The following ACSM3 variants were observed in gnomAD, a reference collection of about 807,000 sequenced individuals.
The protein encoded by ACSM3 is acyl-coenzyme A synthetase ACSM3, mitochondrial.
In ACSM3, 61 loss-of-function variants were observed where a neutral mutation model predicts 74.1. The observed-to-expected ratio is 0.82, with a 90% CI of 0.67 to 1.02. The LOEUF is 1.02. Ranked by LOEUF, ACSM3 falls within the 50% of genes least tolerant of loss-of-function variation. ACSM3 has a pLI of 0.00. For missense variants in ACSM3, 660 were observed against 697.0 expected (o/e 0.95, Z 0.60); for synonymous variants, 213 against 241.5 (o/e 0.88, Z 1.09).
chr16:20,720,021 A>C (rs1194682052), intron 1 of ACSM3, among the ~76,000 whole-genome samples: 1 of 152,164 alleles, frequency 6.6e-6, no homozygotes, highest in Non-Finnish European at 1.5e-5. Context: ...TTACATACAA[A>C]CTACACCTAT....
intron 1 of ACSM3, among the ~76,000 whole-genome samples, chr16:20,729,959 C>T (rs946846526): frequency 6.6e-6 from 1 of 152,186 alleles, no homozygotes; most frequent in Admixed American, 6.5e-5. Flanking sequence ...CAACTCCAGA[C>T]TTACACAGGT....
rs779381049 is a variant in ACSM3, at chr16:20,770,011, G to A, written c.-24G>A. On this transcript the variant is annotated 5_prime_UTR_variant, in exon 2 of 14. It adds an upstream start codon to the 5' untranslated region. Coordinates refer to ENST00000289416, the MANE Select transcript of ACSM3 (RefSeq NM_005622.4). ...GAACTGGTCTCTGTGCAAATCCTGA[G>A]TGCTAAAGCTTCCAACAAGACTGAT... 1 of 1,612,002 alleles carries A rather than the reference G, an allele frequency of 6.2e-7. No individual in the cohort carries two copies. Among genetic ancestry groups the A allele is most frequent in the East Asian group, 2.2e-5 (1 of 44,868 alleles).
At chr16:20,774,706 C>G (rs1241760604) in intron 2 of ACSM3, among the ~76,000 whole-genome samples, 1 of 152,202 alleles carries the variant, frequency 6.6e-6, no homozygotes, top group Non-Finnish European at 1.5e-5. Flanking sequence ...TTTTGTTCAT[C>G]ATAAGGGTGC....
intron 10 of ACSM3, among the ~76,000 whole-genome samples, chr16:20,791,349 CTT>C (rs931913344): frequency 1.3e-5 from 2 of 152,182 alleles, no homozygotes; most frequent in Admixed American, 6.5e-5. Flanking sequence ...TCTTTTGACT[CTT>C]GAGTATTTAC....
chr16:20,706,380 C>T (rs1431318396), intron 1 of ACSM3, among the ~76,000 whole-genome samples: 2 of 152,168 alleles, frequency 1.3e-5, no homozygotes, highest in African/African-American at 4.8e-5. Flanking sequence ...GACTTCTCTA[C>T]AGAAACAAAG....
intron 1 of ACSM3, among the ~76,000 whole-genome samples, chr16:20,685,819 C>CAAAAAAAAAAACAA (rs2079538979): frequency 2.0e-5 from 1 of 50,190 alleles, no homozygotes. Context: ...GACTCCGTCT[C>CAAAAAAAAAAACAA]AAAAAAAAAA....
Position 20,728,642 on chromosome 16 carries a change from T to C in ACSM3, c.-189-21268T>C, listed in dbSNP as rs144523698. Among the ~76,000 whole-genome samples, 3 of 151,756 alleles carry C rather than the reference T, an allele frequency of 2.0e-5. No homozygotes were observed. The East Asian group carries it at 5.8e-4, about 29-fold the overall frequency. On this transcript the variant is annotated intron_variant, in intron 1 of 3. Coordinates refer to the ACSM3 transcript ENST00000561584. ...ACTATCACCTATCACCTGAGTACTATAAAGATGAAATTCCAAATGTAACAA... is the reference window on the plus strand; with the variant it reads ...ACTATCACCTATCACCTGAGTACTACAAAGATGAAATTCCAAATGTAACAA...
chr16:20,792,902 C>T (rs1034978115), intron 12 of ACSM3, among the ~76,000 whole-genome samples: 1 of 152,182 alleles, frequency 6.6e-6, no homozygotes, highest in Admixed American at 6.5e-5. Flanking sequence ...AAGTACCATG[C>T]CAGGCAGCCT....
At chr16:20,743,858 T>TA (rs1469626235) in intron 1 of ACSM3, 3 of 152,190 alleles carry the variant, frequency 2.0e-5, no homozygotes, top group African/African-American at 7.2e-5. Context: ...CACCTGTCCT[T>TA]AGGATATCAA....
intron 6 of ACSM3, among the ~76,000 whole-genome samples, chr16:20,781,395 A>G (rs1870782028): frequency 6.6e-6 from 1 of 152,234 alleles, no homozygotes; most frequent in Non-Finnish European, 1.5e-5. Flanking sequence ...AAAAATGCAA[A>G]TAAAAAATAC....
chr16:20,721,562 G>C (rs2079785690), intron 1 of ACSM3: 1 of 152,188 alleles, frequency 6.6e-6, no homozygotes, highest in Non-Finnish European at 1.5e-5. Flanking sequence ...GGCTGAGACT[G>C]GGGTTGCACC....
intron 1 of ACSM3, chr16:20,697,556 TACACACAC>T (rs57633278): frequency 0.07 from 9,714 of 139,490 alleles, 424 homozygotes; most frequent in African/African-American, 0.12. Context: ...AAAATTGGAT[TACACACAC>T]ACACACACAC....
chr16:20,683,013 C>A (rs911808145), intron 1 of ACSM3, among the ~76,000 whole-genome samples: 3 of 152,142 alleles, frequency 2.0e-5, no homozygotes, highest in Non-Finnish European at 2.9e-5. Flanking sequence ...GGATTCTCAT[C>A]CCTCCACCAG....
chr16:20,709,980 C>T (rs142169551), intron 1 of ACSM3, among the ~76,000 whole-genome samples: 2 of 152,296 alleles, frequency 1.3e-5, no homozygotes, highest in Non-Finnish European at 2.9e-5. Context: ...GTTCAAGAAA[C>T]AGTAGTGGTT....
intron 2 of ACSM3, among the ~76,000 whole-genome samples, 198 bp from the exon 3 acceptor site, chr16:20,775,641 T>G (rs752184228): frequency 6.6e-6 from 1 of 152,190 alleles, no homozygotes; most frequent in Non-Finnish European, 1.5e-5. Context: ...TTGGTACTTC[T>G]GGTAGGAGGT....
At chr16:20,699,286 C>T (rs570963374) in intron 1 of ACSM3, among the ~76,000 whole-genome samples, 8 of 152,132 alleles carry the variant, frequency 5.3e-5, no homozygotes, top group Non-Finnish European at 1.0e-4. Context: ...TGTACTATGA[C>T]TTTTCTACTG....
rs1472354187 is a variant in ACSM3 at position 20,790,595 on chromosome 16, T to C, written c.1233T>C (p.Asp411=). 1.2e-6 allele frequency: 2 copies of C among 1,613,808 alleles called. No homozygotes were observed. Among genetic ancestry groups the C allele is most frequent in the African/African-American group, 1.3e-5 (1 of 75,068 alleles). Reference sequence around the variant, plus strand: ...GTTCTATTTTATCCTAGATTGTAGATGTAAATGGCAATGTTCTACCTCCTG... The same window carrying C: ...GTTCTATTTTATCCTAGATTGTAGACGTAAATGGCAATGTTCTACCTCCTG... ...PSPAFDVKIV[D]VNGNVLPPGQ... Residue 411 remains aspartate (D), a synonymous_variant, in exon 10 of 14, where the codon GAT becomes GAC. Transcript: ENST00000289416. The surrounding 1 kb of genome is among the most constrained non-coding windows in gnomAD (Gnocchi z 4.0).
At chr16:20,727,807 A>T (rs2079812082) in intron 1 of ACSM3, among the ~76,000 whole-genome samples, 1 of 152,170 alleles carries the variant, frequency 6.6e-6, no homozygotes, top group African/African-American at 2.4e-5. Context: ...TCCAGGGTGC[A>T]CTTAATGGAG....
rs1440628082 is a variant in ACSM3 at position 20,755,788 on chromosome 16, C to CG, written c.-52+172_-52+173insG. Among the ~76,000 whole-genome samples, 42 of 109,314 alleles carry CG rather than the reference C, an allele frequency of 3.8e-4. 5 individuals carry two copies. Among genetic ancestry groups the CG allele is most frequent in the Admixed American group, 3.3e-3 (33 of 9,972 alleles). 71.7% of individuals were successfully genotyped at this position (109,314 alleles called of 152,430 possible). A position where few individuals can be genotyped will look rare whatever the true frequency, so the allele number is the denominator to read the frequency against. ...CTCCTAATGCTATCCCTCCCCCCCC[C>CG]CCACCCCACAGCAGTCCCCAGAGTG... On this transcript the variant is annotated intron_variant, in intron 3 of 3. Transcript: ENST00000561584.
Sources: allele counts gnomAD v4.1 joint callset (sites outside exome capture counted in the v4.1 genomes callset), GRCh38; gene constraint gnomAD v4.1.1; non-coding constraint Gnocchi (gnomAD v3.1); transcripts MANE v1.5; gene names NCBI Gene and HGNC (gene_info 2026-07-23, HGNC 2026-07-21).